KAT2B: variants seen among roughly 807,000 people sequenced by gnomAD.
KAT2B encodes the protein histone acetyltransferase KAT2B.
In KAT2B, 36 loss-of-function variants were observed where a neutral mutation model predicts 105.9. The observed-to-expected ratio is 0.34, with a 90% confidence interval of 0.26 to 0.45. The LOEUF (loss-of-function observed/expected upper bound fraction) is 0.45, where lower values mean the gene tolerates loss of function less well. KAT2B is among the 20% of genes least tolerant of loss of function. KAT2B has a pLI of 1.00. For missense variants in KAT2B, 820 were observed against 1,021.6 expected, an observed-to-expected ratio of 0.80 and a Z score of 2.69; for synonymous variants, 397 against 377.9, an observed-to-expected ratio of 1.05 and a Z score of -0.59.
At chr3:20,142,428 A>G (rs1212457823) in intron 13 of KAT2B, among the ~76,000 whole-genome samples, 3 of 152,204 alleles carry the variant, frequency 2.0e-5, no homozygotes, top group African/African-American at 7.2e-5. Context: ...ATTTTTTATA[A>G]GTATTATTTG....
intron 13 of KAT2B, among the ~76,000 whole-genome samples, chr3:20,145,584 A>T (rs1699771929): frequency 1.0e-5 from 1 of 96,644 alleles, no homozygotes. Flanking sequence ...TTTTTTATTA[A>T]AGGGATAACC....
At chr3:20,092,209 A>G (rs988960483) in intron 2 of KAT2B, among the ~76,000 whole-genome samples, 1 of 108,874 alleles carries the variant, frequency 9.2e-6, no homozygotes, top group Non-Finnish European at 2.0e-5. Context: ...TTCAATCTCT[A>G]CTTTCACATA....
At chr3:20,098,100 G>A (rs996673213) in intron 3 of KAT2B, among the ~76,000 whole-genome samples, 1 of 151,780 alleles carries the variant, frequency 6.6e-6, no homozygotes, top group African/African-American at 2.4e-5. Context: ...GTGGTTGTGT[G>A]TACCTGTAAA....
intron 3 of KAT2B, 28 bp downstream of exon 3, chr3:20,095,436 T>G (rs1698791997): frequency 6.7e-7 from 1 of 1,495,048 alleles, no homozygotes; most frequent in Non-Finnish European, 9.2e-7. Context: ...TAAAAACATT[T>G]TCTCTCATTA....
intron 8 of KAT2B, among the ~76,000 whole-genome samples, chr3:20,121,718 A>G (rs1699310443): frequency 1.3e-5 from 2 of 149,378 alleles, no homozygotes; most frequent in South Asian, 4.3e-4. Flanking sequence ...ATATGCATAC[A>G]TACACATATG....
At position 20,149,495 on chromosome 3, in the gene KAT2B, CAAAAA is replaced by C. The variant is rs56091316; in HGVS notation, c.2305+1029_2305+1033del. 2.1e-3 allele frequency among the ~76,000 whole-genome samples: 89 copies of C among 42,444 alleles called. 3 individuals carry two copies. The East Asian group carries it at 0.091, about 44-fold the overall frequency. The allele number at this position is 42,444 out of a possible 152,430, so 27.8% of individuals were successfully genotyped here. Reference sequence around the variant, plus strand: ...TGGGCACTGGAGGGAGACCGTATCTCAAAAAAAAAAAAAAAAAAAAAAAAATTGTG... The same window carrying C: ...TGGGCACTGGAGGGAGACCGTATCTCAAAAAAAAAAAAAAAAAAAATTGTG... On this transcript the variant is annotated intron_variant, in intron 17 of 17. Transcript: ENST00000263754.
At chr3:20,086,406 C>T (rs1290386325) in intron 2 of KAT2B, among the ~76,000 whole-genome samples, 2 of 152,114 alleles carry the variant, frequency 1.3e-5, no homozygotes, top group South Asian at 2.1e-4. Context: ...CAAGACTAGC[C>T]TGGGCAACAT....
intron 9 of KAT2B, chr3:20,123,021 T>A: frequency 2.2e-6 from 2 of 890,390 alleles, no homozygotes; most frequent in Non-Finnish European, 2.7e-6. Flanking sequence ...TTACTAATAA[T>A]CTCACAGTTG....
At position 20,135,440 on chromosome 3, in the gene KAT2B, G is replaced by T. The variant is rs567540792; in HGVS notation, c.1750-1502G>T. Among the ~76,000 whole-genome samples, 4 of 152,254 alleles carry T rather than the reference G, an allele frequency of 2.6e-5. No individual in the cohort carries two copies. The South Asian group carries it at 8.3e-4, about 32-fold the overall frequency. On this transcript the variant is annotated intron_variant, in intron 11 of 17. Transcript: ENST00000263754. Reference sequence around the variant, plus strand: ...GAGGCCGAGACGGGCAGATCACAAGGTCAGGAGATCGAGACTATCCTGGCT... The same window carrying T: ...GAGGCCGAGACGGGCAGATCACAAGTTCAGGAGATCGAGACTATCCTGGCT...
In KAT2B at chr3:20,153,613, CTTATTAATCTGTCT is replaced by C. The variant is rs1699903854; in HGVS notation, c.*1090_*1103del. The C allele has an allele frequency of 6.6e-6, 1 of 152,516 alleles. No individual in the cohort carries two copies. Among genetic ancestry groups the C allele is most frequent in the Non-Finnish European group, 1.5e-5 (1 of 67,984 alleles). The allele number at this position is 152,516 out of a possible 1,614,324, so 9.4% of individuals were successfully genotyped here. A position where few individuals can be genotyped will look rare whatever the true frequency, so the allele number is the denominator to read the frequency against. On this transcript the variant is annotated 3_prime_UTR_variant, in exon 18 of 18. Coordinates refer to ENST00000263754, the MANE Select transcript of KAT2B (RefSeq NM_003884.5). Reference sequence around the variant, plus strand: ...AACCCCCTAAAATCCATCATGCAACCTTATTAATCTGTCTTGGGATTCCAGTTTAGTGCTTGGAT... The same window carrying C: ...AACCCCCTAAAATCCATCATGCAACCTGGGATTCCAGTTTAGTGCTTGGAT...
rs759813724 is a variant in KAT2B at position 20,152,373 on chromosome 3, G to A, written c.2347G>A (p.Val783Met). The A allele has an allele frequency of 1.9e-5, 31 of 1,613,198 alleles. No individual in the cohort carries two copies. Among genetic ancestry groups the A allele is most frequent in the Admixed American group, 1.8e-4 (11 of 59,926 alleles). Residue 783 changes from valine (V) to methionine (M), a missense_variant, in exon 18 of 18, where the codon GTG (valine) becomes ATG (methionine). Val to Met is a conservative substitution (Grantham distance 21). This residue lies in a region of KAT2B where 227 missense variants were observed against 292.9 expected (regional missense o/e 0.77). Transcript: ENST00000263754. The stretch of plus-strand genomic sequence containing the variant: ...TGAACGCCTCAAGAATAGGTACTAC[G>A]TGTCTAAGAAATTATTCATGGCAGA... ...MSERLKNRYY[V>M]SKKLFMADLQ...
chr3:20,131,490 A>G (rs1699510615), intron 11 of KAT2B, among the ~76,000 whole-genome samples: 1 of 152,238 alleles, frequency 6.6e-6, no homozygotes, highest in African/African-American at 2.4e-5. Context: ...AATATGGAGT[A>G]AAACTGAATG....
Position 20,152,727 on chromosome 3 carries a change from G to T in KAT2B, c.*202G>T. On this transcript the variant is annotated 3_prime_UTR_variant, in exon 18 of 18. Coordinates refer to ENST00000263754, the MANE Select transcript of KAT2B (RefSeq NM_003884.5). Reference sequence around the variant, plus strand: ...AAGTCATAGGACATTTTTATTTTATGGAATAGATTTTAATCTATTTACTAC... The same window carrying T: ...AAGTCATAGGACATTTTTATTTTATTGAATAGATTTTAATCTATTTACTAC... The T allele has an allele frequency of 4.7e-6, 2 of 428,694 alleles. No homozygotes were observed. Among genetic ancestry groups the T allele is most frequent in the Admixed American group, 3.6e-5 (1 of 27,774 alleles). The allele number at this position is 428,694 out of a possible 1,614,324, so 26.6% of individuals were successfully genotyped here.
chr3:20,088,752 A>G (rs1205920551), intron 2 of KAT2B, among the ~76,000 whole-genome samples: 1 of 152,064 alleles, frequency 6.6e-6, no homozygotes, highest in African/African-American at 2.4e-5. Flanking sequence ...GTTTGATGCA[A>G]TCCAGTTTGT....
chr3:20,053,562 A>G (rs1697952586), intron 1 of KAT2B, among the ~76,000 whole-genome samples: 1 of 152,184 alleles, frequency 6.6e-6, no homozygotes, highest in Non-Finnish European at 1.5e-5. Context: ...AAAAAAACTC[A>G]GGAAGGTATA....
intron 2 of KAT2B, among the ~76,000 whole-genome samples, chr3:20,084,901 A>G (rs1373987539): frequency 2.6e-5 from 4 of 152,220 alleles, no homozygotes; most frequent in African/African-American, 9.7e-5. Context: ...GTAAGCTACT[A>G]TTTCAAAAGT....
chr3:20,061,783 A>G (rs569970104), intron 1 of KAT2B, among the ~76,000 whole-genome samples: 4 of 141,120 alleles, frequency 2.8e-5, no homozygotes, highest in African/African-American at 1.0e-4. Context: ...AATTTATAAT[A>G]CATAAAATAT....
intron 2 of KAT2B, among the ~76,000 whole-genome samples, chr3:20,085,997 A>G (rs1243099218): frequency 2.0e-5 from 3 of 151,466 alleles, no homozygotes; most frequent in South Asian, 2.1e-4. Context: ...TGAGCTGGGC[A>G]TGGTGGCTCA....
At position 20,056,007 on chromosome 3, in the gene KAT2B, C is replaced by T. The variant is rs74491806; in HGVS notation, c.303+15227C>T. Among the ~76,000 whole-genome samples the T allele has an allele frequency of 3.7e-3, 557 of 152,240 alleles. 3 individuals carry two copies. Among genetic ancestry groups the T allele is most frequent in the African/African-American group, 0.013 (531 of 41,524 alleles). ...GCTGAGGAGTATTCTGCTGTATGGA[C>T]GTACTAGTTTGTTTATCTGTTGACT... is the stretch of plus-strand genomic sequence containing the variant. On this transcript the variant is annotated intron_variant, in intron 1 of 17. Transcript: ENST00000263754.
Sources: gnomAD v4.1 joint callset for allele counts (sites outside exome capture counted in the v4.1 genomes callset) on GRCh38, gnomAD v4.1.1 for gene constraint, gnomAD v4.1.1 regional missense constraint, MANE v1.5 for transcripts, NCBI Gene and HGNC (gene_info 2026-07-23, HGNC 2026-07-21) for gene names.